Variants in NRG1 observed in about 807,000 individuals in gnomAD.
The protein encoded by NRG1 is neuregulin 1.
In NRG1, 18 loss-of-function variants were observed where a neutral mutation model predicts 63.8. That is an observed-to-expected ratio of 0.28 (90% CI 0.19 to 0.42). The LOEUF (loss-of-function observed/expected upper bound fraction) is 0.42. Among genes scored for constraint, NRG1 ranks in the 10% least tolerant of loss-of-function variants. The pLI, the probability that NRG1 is intolerant of heterozygous loss-of-function variation, is 1.00. For missense variants in NRG1, 762 were observed against 814.7 expected (o/e 0.94, Z 0.79); for synonymous variants, 302 against 301.3 (o/e 1.00, Z -0.02).
chr8:32,146,690 A>C (rs1836901990), intron 1 of NRG1, among the ~76,000 whole-genome samples: 1 of 152,098 alleles, frequency 6.6e-6, no homozygotes, highest in Non-Finnish European at 1.5e-5. Context: ...ATGAGACAAC[A>C]TGTTCAAGCT....
At chr8:31,796,412 A>ATTTTTTTTT (rs1273292685) in intron 1 of NRG1, among the ~76,000 whole-genome samples, 1 of 92,644 alleles carries the variant, frequency 1.1e-5, no homozygotes, top group Non-Finnish European at 2.2e-5. Flanking sequence ...ATGGCGTATA[A>ATTTTTTTTT]TCTTTTTTTT....
chr8:32,022,093 A>G lies in NRG1; in HGVS notation c.37+382662A>G, dbSNP rs192244055. Among the ~76,000 whole-genome samples the G allele has an allele frequency of 6.6e-5, 10 of 152,220 alleles. 1 individual carries two copies. Among genetic ancestry groups the G allele is most frequent in the Admixed American group, 5.2e-4 (8 of 15,286 alleles). ...GTTGTTATATCAGGTCTTAAACTAT[A>G]CCTTTATAAATTCTTAGTCATATAT... On this transcript the variant is annotated intron_variant, in intron 1 of 10. Transcript: ENST00000519301.
chr8:32,062,914 AT>A (rs1280564119), intron 1 of NRG1, among the ~76,000 whole-genome samples: 1 of 152,150 alleles, frequency 6.6e-6, no homozygotes, highest in Non-Finnish European at 1.5e-5. Context: ...TTAGGTTGAG[AT>A]TAAAAAAAAC....
At chr8:31,851,471 A>G (rs982187487) in intron 1 of NRG1, among the ~76,000 whole-genome samples, 1 of 152,178 alleles carries the variant, frequency 6.6e-6, no homozygotes, top group South Asian at 2.1e-4. Flanking sequence ...TATAATTAGA[A>G]GTGTCGATTT....
At chr8:32,000,621 G>A (rs1051521414) in intron 1 of NRG1, among the ~76,000 whole-genome samples, 23 of 151,928 alleles carry the variant, frequency 1.5e-4, no homozygotes, top group Non-Finnish European at 3.4e-4. Flanking sequence ...GTAAGATTAA[G>A]AAGAAATGGT....
At chr8:32,331,090 G>T (rs1481923801) in intron 1 of NRG1, among the ~76,000 whole-genome samples, 3 of 151,548 alleles carry the variant, frequency 2.0e-5, no homozygotes, top group African/African-American at 7.3e-5. Flanking sequence ...TTTTTGTGGC[G>T]TGTAAAAAAA....
At position 31,640,766 on chromosome 8, in the gene NRG1, G is replaced by T; in HGVS notation, c.37+1335G>T. 1 of 1,464,696 alleles carries T rather than the reference G, an allele frequency of 6.8e-7. No individual in the cohort carries two copies. The highest frequency in any genetic ancestry group is 1.4e-5 in the South Asian group (1 of 70,844). 90.7% of individuals were successfully genotyped at this position (1,464,696 alleles called of 1,614,324 possible). ...GCCCTTGGGGGCGCGAACCCGCGGC[G>T]AGGAGGGCGCATCCCGGGCGCGCGG... On this transcript the variant is annotated intron_variant, in intron 1 of 10. Transcript: ENST00000519301. This position sits in a 1 kb window ranked among gnomAD's most constrained non-coding sequence, Gnocchi z 6.3.
At chr8:31,749,000 A>G (rs956889313) in intron 1 of NRG1, among the ~76,000 whole-genome samples, 1 of 151,942 alleles carries the variant, frequency 6.6e-6, no homozygotes, top group African/African-American at 2.4e-5. Flanking sequence ...TAAAAATTTG[A>G]AAACTGCCTA....
At chr8:32,259,553 T>C (rs953805260) in intron 1 of NRG1, among the ~76,000 whole-genome samples, 1 of 152,148 alleles carries the variant, frequency 6.6e-6, no homozygotes, top group Non-Finnish European at 1.5e-5. Context: ...AATTGCCCAG[T>C]TGATGGTATT....
chr8:31,688,520 C>T (rs1809144824), intron 1 of NRG1, among the ~76,000 whole-genome samples: 1 of 152,028 alleles, frequency 6.6e-6, no homozygotes, highest in Non-Finnish European at 1.5e-5. Context: ...CCCAAATGGA[C>T]AAAGACAATT....
At chr8:32,254,756 A>G (rs1249119592) in intron 1 of NRG1, among the ~76,000 whole-genome samples, 1 of 152,156 alleles carries the variant, frequency 6.6e-6, no homozygotes, top group East Asian at 1.9e-4. Flanking sequence ...TGATCTGTCT[A>G]ATGTTGACAG....
chr8:32,233,968 A>G (rs1329216407), intron 1 of NRG1, among the ~76,000 whole-genome samples: 1 of 152,186 alleles, frequency 6.6e-6, no homozygotes, highest in African/African-American at 2.4e-5. Context: ...TGTCTGAAAC[A>G]TGTCCAGATT....
chr8:32,704,163 T>C (rs1024025768), intron 5 of NRG1, among the ~76,000 whole-genome samples: 1 of 152,204 alleles, frequency 6.6e-6, no homozygotes, highest in Non-Finnish European at 1.5e-5. Flanking sequence ...GTTTCCTTAA[T>C]TTCTTCTTTC....
chr8:32,427,997 A>G (rs1817617271), intron 1 of NRG1, among the ~76,000 whole-genome samples: 2 of 152,246 alleles, frequency 1.3e-5, no homozygotes, highest in Admixed American at 6.5e-5. Context: ...TTTTCTAAAT[A>G]TATAACATCC....
At chr8:31,678,626 A>G (rs1406295952) in intron 1 of NRG1, among the ~76,000 whole-genome samples, 1 of 151,416 alleles carries the variant, frequency 6.6e-6, no homozygotes, top group Admixed American at 6.6e-5. Flanking sequence ...ACTTTGAATT[A>G]AAAAAGATTT....
chr8:31,805,073 T>A (rs1312643529), intron 1 of NRG1, among the ~76,000 whole-genome samples: 1 of 152,242 alleles, frequency 6.6e-6, no homozygotes, highest in African/African-American at 2.4e-5. Flanking sequence ...CTGAAGGTTA[T>A]CCTTTCAATT....
chr8:31,719,840 GA>G (rs916122604), intron 1 of NRG1, among the ~76,000 whole-genome samples: 1 of 115,998 alleles, frequency 8.6e-6, no homozygotes, highest in Non-Finnish European at 2.0e-5. Context: ...CTGGGATTAT[GA>G]TTTTTTTTTT....
chr8:31,943,521 A>G (rs974024966), intron 1 of NRG1, among the ~76,000 whole-genome samples: 4 of 140,300 alleles, frequency 2.9e-5, no homozygotes, highest in African/African-American at 1.1e-4. Flanking sequence ...CTGTTCCCCA[A>G]AAACCTATTG....
chr8:32,337,500 G>A (rs1227815041), intron 1 of NRG1, among the ~76,000 whole-genome samples: 1 of 151,608 alleles, frequency 6.6e-6, no homozygotes, highest in East Asian at 1.9e-4. Context: ...GAGGAATTCA[G>A]ACTTAAAATT....
Sources: allele counts gnomAD v4.1 joint callset (sites outside exome capture counted in the v4.1 genomes callset), GRCh38; gene constraint gnomAD v4.1.1; non-coding constraint Gnocchi (gnomAD v3.1); transcripts MANE v1.5; gene names NCBI Gene and HGNC (gene_info 2026-07-23, HGNC 2026-07-21).